Variants in RLBP1 observed in about 807,000 individuals in gnomAD.
RLBP1 encodes retinaldehyde binding protein 1, also known as retinaldehyde-binding protein 1.
In RLBP1, 26 loss-of-function variants were observed where a neutral mutation model predicts 36.2. The ratio of observed to expected loss-of-function variants is 0.72; its 90% CI spans 0.53 to 1.00. The LOEUF (loss-of-function observed/expected upper bound fraction) is 1.00, where lower values mean the gene tolerates loss of function less well. Among genes scored for constraint, RLBP1 ranks in the 50% least tolerant of loss-of-function variants. The pLI, the probability that RLBP1 is intolerant of heterozygous loss-of-function variation, is 0.00. For synonymous variants in RLBP1, 155 were observed against 156.2 expected, an observed-to-expected ratio of 0.99 and a Z score of 0.06; for missense variants, 410 against 402.4, an observed-to-expected ratio of 1.02 and a Z score of -0.16.
At chr15:89,212,939 G>A in intron 6 of RLBP1, among the ~76,000 whole-genome samples, 1 of 151,928 alleles carries the variant, frequency 6.6e-6, no homozygotes, top group Admixed American at 6.6e-5. Context: ...CACCATGTTG[G>A]CCAGGCTGGA....
In RLBP1 at chr15:89,210,541, T is replaced by A; in HGVS notation, c.796-98A>T. On this transcript the variant is annotated intron_variant, in intron 8 of 8. Coordinates refer to ENST00000268125, the MANE Select transcript of RLBP1 (RefSeq NM_000326.5). This position sits in a 1 kb window ranked among gnomAD's most constrained non-coding sequence, Gnocchi z 4.7. Reference sequence around the variant, plus strand: ...GGCAGGAGGACAAAGCCCCATCATGTGCAGTCTTTGCCTGGCGACACCTCT... The same window carrying A: ...GGCAGGAGGACAAAGCCCCATCATGAGCAGTCTTTGCCTGGCGACACCTCT... 2 of 1,426,220 alleles carry A rather than the reference T, an allele frequency of 1.4e-6. No homozygotes were observed. Among genetic ancestry groups the A allele is most frequent in the South Asian group, 2.3e-5 (2 of 85,126 alleles). The allele number at this position is 1,426,220 out of a possible 1,614,324, so 88.3% of individuals were successfully genotyped here.
At chr15:89,221,150 G>C (rs1184042309) in intron 1 of RLBP1, among the ~76,000 whole-genome samples, 1 of 151,982 alleles carries the variant, frequency 6.6e-6, no homozygotes, top group Non-Finnish European at 1.5e-5. Context: ...TGGAACTACA[G>C]GTGCCCACCA....
At position 89,210,693 on chromosome 15, in the gene RLBP1, A is replaced by C; in HGVS notation, c.795+6T>G. 6.3e-7 allele frequency: 1 copy of C among 1,580,276 alleles called. No homozygotes were observed. Among genetic ancestry groups the C allele is most frequent in the Non-Finnish European group, 8.6e-7 (1 of 1,158,748 alleles). On this transcript the variant is annotated splice_donor_region_variant and intron_variant, in intron 8 of 8. Transcript: ENST00000268125. This position sits in a 1 kb window ranked among gnomAD's most constrained non-coding sequence, Gnocchi z 4.7. ...GTCTCATTGTCTGGGCGGCCCACGT[A>C]CTCACCCTCTCAAGCAGCTTGCTCT...
chr15:89,212,337 T>A (rs752133829), intron 6 of RLBP1, among the ~76,000 whole-genome samples: 1 of 152,128 alleles, frequency 6.6e-6, no homozygotes, highest in African/African-American at 2.4e-5. Flanking sequence ...ATCCCAGCAC[T>A]TTGGGAGGCC....
At position 89,214,964 on chromosome 15, in the gene RLBP1, G is replaced by C; in HGVS notation, c.525+96C>G. The C allele has an allele frequency of 7.6e-7, 1 of 1,307,606 alleles. No individual in the cohort carries two copies. The allele number at this position is 1,307,606 out of a possible 1,614,324, so 81.0% of individuals were successfully genotyped here. A position where few individuals can be genotyped will look rare whatever the true frequency, so the allele number is the denominator to read the frequency against. ...CCACCTTTCCCCCTCTACAGACCTT[G>C]CCTCCTGGAGAACCAGGAATGAGGG... On this transcript the variant is annotated intron_variant, in intron 6 of 8. Coordinates refer to ENST00000268125, the MANE Select transcript of RLBP1 (RefSeq NM_000326.5). The surrounding 1 kb of genome is among the most constrained non-coding windows in gnomAD (Gnocchi z 4.6).
chr15:89,217,197 T>C lies in RLBP1; in HGVS notation c.269A>G (p.Glu90Gly), dbSNP rs976229803. 8 of 1,613,734 alleles carry C rather than the reference T, an allele frequency of 5.0e-6. No individual in the cohort carries two copies. In the African/African-American group the frequency reaches 8.0e-5, roughly 16 times the overall value. Residue 90 changes from glutamate to glycine, a missense_variant, in exon 5 of 9, where the codon GAG (glutamate) becomes GGG (glycine). Coordinates refer to ENST00000268125, the MANE Select transcript of RLBP1 (RefSeq NM_000326.5). ...GCGCAGGAAGAAGCCGCTGTCCTTC[T>C]CTTGCACCCTCTCCGCCACGGCCAC... ...LAVAVAERVQEKDSGFFLRFI... is the reference protein window; with the variant it reads ...LAVAVAERVQGKDSGFFLRFI...
chr15:89,213,935 C>G (rs2051558175), intron 6 of RLBP1, among the ~76,000 whole-genome samples: 1 of 152,104 alleles, frequency 6.6e-6, no homozygotes, highest in African/African-American at 2.4e-5. Flanking sequence ...AAGCAGATCA[C>G]TAAGGACAAA....
In RLBP1 at chr15:89,211,651, C is replaced by A. The variant is rs1264006567; in HGVS notation, c.684+92G>T. 4 of 1,399,116 alleles carry A rather than the reference C, an allele frequency of 2.9e-6. No homozygotes were observed. In the Admixed American group the frequency reaches 7.0e-5, roughly 25 times the overall value. The allele number at this position is 1,399,116 out of a possible 1,614,324, so 86.7% of individuals were successfully genotyped here. A position where few individuals can be genotyped will look rare whatever the true frequency, so the allele number is the denominator to read the frequency against. On this transcript the variant is annotated intron_variant, in intron 7 of 8. Transcript: ENST00000268125. This position sits in a 1 kb window ranked among gnomAD's most constrained non-coding sequence, Gnocchi z 5.8. ...TTTATGGCGCGAGGTGGTCCAACTT[C>A]TCAGTTCCCTGCAAGCACCATGAAA...
At position 89,218,067 on chromosome 15, in the gene RLBP1, C is replaced by A. The variant is rs746031106; in HGVS notation, c.141+498G>T. On this transcript the variant is annotated intron_variant, in intron 4 of 8. Transcript: ENST00000268125. The surrounding 1 kb of genome is among the most constrained non-coding windows in gnomAD (Gnocchi z 4.6). The stretch of plus-strand genomic sequence containing the variant: ...AGCCACTTCTCATCCTCCCCAGCAG[C>A]CCTAAGACAGCTCTGTCAGCCTCCA... 7.2e-5 allele frequency among the ~76,000 whole-genome samples: 11 copies of A among 152,212 alleles called. No homozygotes were observed. The highest frequency in any genetic ancestry group is 1.6e-4 in the Non-Finnish European group (11 of 68,038).
chr15:89,215,268 C>T, intron 5 of RLBP1, 30 bp from the exon 6 acceptor site: 2 of 1,612,462 alleles, frequency 1.2e-6, no homozygotes, highest in Non-Finnish European at 8.5e-7. Flanking sequence ...GGAACCCCCT[C>T]AGGGAGCCAT....
rs756755205 is a variant in RLBP1 at position 89,218,721 on chromosome 15, A to G, written c.13-28T>C. The G allele has an allele frequency of 6.8e-6, 11 of 1,612,956 alleles. No homozygotes were observed. Among genetic ancestry groups the G allele is most frequent in the Non-Finnish European group, 8.5e-6 (10 of 1,180,028 alleles). On this transcript the variant is annotated intron_variant, in intron 3 of 8. Coordinates refer to ENST00000268125, the MANE Select transcript of RLBP1 (RefSeq NM_000326.5). The surrounding 1 kb of genome is among the most constrained non-coding windows in gnomAD (Gnocchi z 4.6). ...GGGCAGAGAAAGGAAAAAGAGGAACAGCCAACCGCATCAGCCTGAGCCAGC... is the reference window on the plus strand; with the variant it reads ...GGGCAGAGAAAGGAAAAAGAGGAACGGCCAACCGCATCAGCCTGAGCCAGC...
At chr15:89,212,566 CAA>C (rs1292327369) in intron 6 of RLBP1, among the ~76,000 whole-genome samples, 1 of 115,502 alleles carries the variant, frequency 8.7e-6, no homozygotes, top group Non-Finnish European at 1.7e-5. Context: ...ACCTAGGCGA[CAA>C]GAGCAAAACT....
chr15:89,210,857 A>C lies in RLBP1; in HGVS notation c.685-48T>G. 1 of 1,289,130 alleles carries C rather than the reference A, an allele frequency of 7.8e-7. No individual in the cohort carries two copies. The highest frequency in any genetic ancestry group is 1.1e-6 in the Non-Finnish European group (1 of 910,622). The allele number at this position is 1,289,130 out of a possible 1,614,324, so 79.9% of individuals were successfully genotyped here. A position where few individuals can be genotyped will look rare whatever the true frequency, so the allele number is the denominator to read the frequency against. ...CGTTCCCCATGGCCCCAGTGACCTC[A>C]GAGGCTCCCACTCATTCCCTGCTGC... On this transcript the variant is annotated intron_variant, in intron 7 of 8. Coordinates refer to ENST00000268125, the MANE Select transcript of RLBP1 (RefSeq NM_000326.5). The surrounding 1 kb of genome is among the most constrained non-coding windows in gnomAD (Gnocchi z 4.7).
intron 5 of RLBP1, 91 bp from the exon 6 acceptor site, chr15:89,215,329 C>G: frequency 7.6e-7 from 1 of 1,309,472 alleles, no homozygotes; most frequent in South Asian, 1.2e-5. Context: ...TGACCTCCTG[C>G]CAGGTCCTAT....
Position 89,210,871 on chromosome 15 carries a change from A to C in RLBP1, c.685-62T>G. ...CCAGTGACCTCAGAGGCTCCCACTC[A>C]TTCCCTGCTGCCTCTCCTCATGGCA... On this transcript the variant is annotated intron_variant, in intron 7 of 8. Coordinates refer to ENST00000268125, the MANE Select transcript of RLBP1 (RefSeq NM_000326.5). The surrounding 1 kb of genome is among the most constrained non-coding windows in gnomAD (Gnocchi z 4.7). The C allele has an allele frequency of 9.0e-7, 1 of 1,117,128 alleles. No homozygotes were observed. Among genetic ancestry groups the C allele is most frequent in the Non-Finnish European group, 1.3e-6 (1 of 756,382 alleles). The allele number at this position is 1,117,128 out of a possible 1,614,324, so 69.2% of individuals were successfully genotyped here.
chr15:89,221,112 A>G (rs1204331624), intron 1 of RLBP1, among the ~76,000 whole-genome samples: 1 of 151,318 alleles, frequency 6.6e-6, no homozygotes, highest in Non-Finnish European at 1.5e-5. Context: ...GGTTCAAGCA[A>G]TTCTCCTGCC....
intron 4 of RLBP1, 93 bp from the exon 5 acceptor site, chr15:89,217,417 G>C: frequency 2.3e-6 from 3 of 1,305,680 alleles, no homozygotes; most frequent in Non-Finnish European, 3.3e-6. Flanking sequence ...AGCTAGACCA[G>C]CCAAGGGGGC....
rs188157027 is a variant in RLBP1 at position 89,211,460 on chromosome 15, G to A, written c.684+283C>T. 1.0e-3 allele frequency among the ~76,000 whole-genome samples: 153 copies of A among 152,322 alleles called. 1 individual carries two copies. Among genetic ancestry groups the A allele is most frequent in the Non-Finnish European group, 2.2e-4 (15 of 68,032 alleles). The stretch of plus-strand genomic sequence containing the variant: ...CCGCTTTATTGCTGTGTGACCTCGA[G>A]ATGTCTCTTAAATCTCTGAGCCTTC... On this transcript the variant is annotated intron_variant, in intron 7 of 8. Coordinates refer to ENST00000268125, the MANE Select transcript of RLBP1 (RefSeq NM_000326.5). The surrounding 1 kb of genome is among the most constrained non-coding windows in gnomAD (Gnocchi z 5.8).
rs201212675 is a variant in RLBP1 at position 89,215,098 on chromosome 15, T to G, written c.487A>C (p.Ile163Leu). ...ATTTCTTGACTTTGCCAGTTCTCAATGTTGAAGAGCATGACCACTCGGCCA... is the reference window on the plus strand; with the variant it reads ...ATTTCTTGACTTTGCCAGTTCTCAAGGTTGAAGAGCATGACCACTCGGCCA... ...KYGRVVMLFN[I>L]ENWQSQEITF... The change falls in exon 6 of 9, where the codon ATT becomes CTT. Residue 163 changes from isoleucine to leucine, a missense_variant. Ile to Leu is a conservative substitution (Grantham distance 5, BLOSUM62 2). Transcript: ENST00000268125. 3.7e-6 allele frequency: 6 copies of G among 1,614,212 alleles called. No homozygotes were observed. In the South Asian group the frequency reaches 6.6e-5, roughly 18 times the overall value.
Sources: allele counts gnomAD v4.1 joint callset (sites outside exome capture counted in the v4.1 genomes callset), GRCh38; gene constraint gnomAD v4.1.1; non-coding constraint Gnocchi (gnomAD v3.1); transcripts MANE v1.5; gene names NCBI Gene and HGNC (gene_info 2026-07-23, HGNC 2026-07-21).